Variants in FAT4 observed in about 807,000 individuals in gnomAD.
FAT4 encodes the protein FAT atypical cadherin 4.
Under a neutral mutation model 303.9 loss-of-function variants are expected in FAT4, and 84 were observed. The ratio of observed to expected loss-of-function variants is 0.28; its 90% confidence interval spans 0.23 to 0.33. The LOEUF is 0.33. Ranked by LOEUF, FAT4 falls within the 10% of genes least tolerant of loss-of-function variation. The pLI is 1.00. For synonymous variants in FAT4, 2,307 were observed against 2,298.8 expected (o/e 1.00, Z -0.10); for missense variants, 6,005 against 6,146.8 (o/e 0.98, Z 0.77).
chr4:125,368,263 A>G (rs912498678), intron 2 of FAT4, among the ~76,000 whole-genome samples: 4 of 152,052 alleles, frequency 2.6e-5, no homozygotes, highest in Non-Finnish European at 5.9e-5. Context: ...CATTTTTTCC[A>G]GTATGACTTA....
At position 125,481,751 on chromosome 4, in the gene FAT4, C is replaced by G; in HGVS notation, c.12822+13C>G. 1 of 1,608,002 alleles carries G rather than the reference C, an allele frequency of 6.2e-7. No homozygotes were observed. Among genetic ancestry groups the G allele is most frequent in the Non-Finnish European group, 8.5e-7 (1 of 1,174,520 alleles). On this transcript the variant is annotated intron_variant, in intron 16 of 17. Transcript: ENST00000394329. ...CACTACTGTGAAGGTGAGATAAAAG[C>G]TAATGGTGACTTCATTTGATTAGAC...
Position 125,490,788 on chromosome 4 carries a change from C to T in FAT4, c.13972C>T (p.Pro4658Ser). The T allele has an allele frequency of 6.2e-7, 1 of 1,614,102 alleles. No homozygotes were observed. The highest frequency in any genetic ancestry group is 8.5e-7 in the Non-Finnish European group (1 of 1,180,030). Reference protein sequence around the residue: ...TPKFSIQRHSPLGFARQSPMP... With the variant: ...TPKFSIQRHSSLGFARQSPMP... Reference sequence around the variant, plus strand: ...AAAATTTTCAATCCAGAGGCACAGTCCCCTAGGCTTTGCAAGGCAATCCCC... The same window carrying T: ...AAAATTTTCAATCCAGAGGCACAGTTCCCTAGGCTTTGCAAGGCAATCCCC... Residue 4658 changes from proline (P) to serine (S), a missense_variant, in exon 18 of 18, where the codon CCC (proline) becomes TCC (serine). Physicochemically the swap from Pro to Ser is moderately conservative, Grantham distance 74 (BLOSUM62 -1). Transcript: ENST00000394329.
chr4:125,366,895 CT>C (rs1288396806), intron 2 of FAT4, among the ~76,000 whole-genome samples: 1 of 151,468 alleles, frequency 6.6e-6, no homozygotes, highest in African/African-American at 2.4e-5. Context: ...ATATGTATGT[CT>C]TTTTTTTGAA....
At position 125,408,639 on chromosome 4, in the gene FAT4, G is replaced by A. The variant is rs1471557300; in HGVS notation, c.5765G>A (p.Gly1922Glu). ...YILTVRAEDG[G>E]GQFTTIRVYF... The stretch of plus-strand genomic sequence containing the variant: ...CTCACTGTTCGAGCAGAAGATGGTG[G>A]GGGACAATTTACTACCATCAGAGTT... The change falls in exon 5 of 18, where the codon GGG (glycine) becomes GAG (glutamate). Residue 1922 changes from glycine to glutamate, a missense_variant. Gly to Glu is a moderately conservative substitution (Grantham distance 98). Transcript: ENST00000394329. 22 of 1,610,958 alleles carry A rather than the reference G, an allele frequency of 1.4e-5. No individual in the cohort carries two copies. The highest frequency in any genetic ancestry group is 1.9e-5 in the Non-Finnish European group (22 of 1,177,968).
At position 125,450,062 on chromosome 4, in the gene FAT4, A is replaced by T; in HGVS notation, c.9052A>T (p.Asn3018Tyr). 2 of 1,613,970 alleles carry T rather than the reference A, an allele frequency of 1.2e-6. No individual in the cohort carries two copies. The highest frequency in any genetic ancestry group is 8.5e-7 in the Non-Finnish European group (1 of 1,179,948). ...TAIDDKDFGL[N>Y]SEVEYFISND... is the part of the protein sequence containing the mutation. ...AATAGATGACAAAGATTTTGGACTG[A>T]ATTCAGAAGTGGAGTATTTCATTTC... Residue 3018 changes from asparagine to tyrosine, a missense_variant, in exon 10 of 18, where the codon AAT (asparagine) becomes TAT (tyrosine). Asn to Tyr is a moderately radical substitution (Grantham distance 143). Transcript: ENST00000394329.
chr4:125,365,407 T>G (rs1381714963), intron 2 of FAT4, among the ~76,000 whole-genome samples: 1 of 152,186 alleles, frequency 6.6e-6, no homozygotes, highest in African/African-American at 2.4e-5. Flanking sequence ...AACCTCAACT[T>G]TATTCCTTGA....
chr4:125,353,635 T>G (rs1041462537), intron 2 of FAT4, among the ~76,000 whole-genome samples: 2 of 151,696 alleles, frequency 1.3e-5, no homozygotes, highest in Admixed American at 1.3e-4. Flanking sequence ...AAACTATACA[T>G]ACATATATGT....
chr4:125,380,948 C>A (rs1384485193), intron 2 of FAT4, among the ~76,000 whole-genome samples: 1 of 152,048 alleles, frequency 6.6e-6, no homozygotes, highest in African/African-American at 2.4e-5. Context: ...ATAAACTTGG[C>A]TTTATATTAC....
At chr4:125,373,028 A>G (rs1733184344) in intron 2 of FAT4, among the ~76,000 whole-genome samples, 1 of 152,190 alleles carries the variant, frequency 6.6e-6, no homozygotes, top group Non-Finnish European at 1.5e-5. Flanking sequence ...TTTTTTAAAT[A>G]AAACATTACC....
intron 7 of FAT4, among the ~76,000 whole-genome samples, chr4:125,423,378 A>G (rs1286235677): frequency 6.6e-6 from 1 of 151,790 alleles, no homozygotes; most frequent in Non-Finnish European, 1.5e-5. Context: ...CATCATAGTC[A>G]CTCTAGCCAT....
chr4:125,449,429 G>A lies in FAT4; in HGVS notation c.8419G>A (p.Ala2807Thr). ...TTSDEDIGIN[A>T]ISRYSIMDAS... is the part of the protein sequence containing the mutation. ...TTCTGATGAAGACATTGGGATCAAT[G>A]CAATTAGTAGATATTCTATAATGGA... The change falls in exon 10 of 18, where the codon GCA (alanine) becomes ACA (threonine). Residue 2807 changes from alanine to threonine, a missense_variant. Physicochemically the swap from Ala to Thr is moderately conservative, Grantham distance 58 (BLOSUM62 0). Transcript: ENST00000394329. 6.2e-7 allele frequency: 1 copy of A among 1,613,760 alleles called. No individual in the cohort carries two copies. Among genetic ancestry groups the A allele is most frequent in the Non-Finnish European group, 8.5e-7 (1 of 1,179,812 alleles).
At chr4:125,448,344 T>C in intron 9 of FAT4, 117 bp from the exon 10 acceptor site, 1 of 920,154 alleles carries the variant, frequency 1.1e-6, no homozygotes, top group South Asian at 1.7e-5. Flanking sequence ...TCCCTAGTAA[T>C]CATGAGAAAA....
chr4:125,449,530 A>G lies in FAT4; in HGVS notation c.8520A>G (p.Thr2840=), dbSNP rs1201928763. The part of the protein sequence containing the change: ...VISRPLNRED[T]DRYRIRVSAH... ...GCAGACCTTTAAATAGGGAAGATAC[A>G]GACCGTTACAGAATTCGAGTTTCCG... The change falls in exon 10 of 18, where the codon ACA becomes ACG. Residue 2840 remains threonine (T), a synonymous_variant. Coordinates refer to ENST00000394329, the MANE Select transcript of FAT4 (RefSeq NM_001291303.3). 2.5e-6 allele frequency: 4 copies of G among 1,613,588 alleles called. No homozygotes were observed. In the Admixed American group the frequency reaches 5.0e-5, roughly 20 times the overall value.
chr4:125,369,334 A>C (rs142240148), intron 2 of FAT4, among the ~76,000 whole-genome samples: 12 of 152,170 alleles, frequency 7.9e-5, no homozygotes, highest in African/African-American at 2.9e-4. Context: ...CAGGAGGCTG[A>C]GGCAGGAGAA....
At chr4:125,359,070 T>C (rs1447131845) in intron 2 of FAT4, among the ~76,000 whole-genome samples, 3 of 152,186 alleles carry the variant, frequency 2.0e-5, no homozygotes, top group African/African-American at 7.2e-5. Flanking sequence ...AGTGGACAAA[T>C]TTTCAACAAA....
intron 5 of FAT4, among the ~76,000 whole-genome samples, chr4:125,411,271 G>A (rs1219432338): frequency 6.6e-6 from 1 of 151,890 alleles, no homozygotes; most frequent in African/African-American, 2.4e-5. Context: ...ATCTTTTACT[G>A]TTTTCACAAG....
intron 7 of FAT4, among the ~76,000 whole-genome samples, chr4:125,419,064 C>G (rs1368849738): frequency 2.0e-5 from 3 of 152,182 alleles, no homozygotes; most frequent in Non-Finnish European, 4.4e-5. Flanking sequence ...CATCCTACCT[C>G]TGACATTCCC....
At chr4:125,395,080 C>T (rs1046831839) in intron 2 of FAT4, among the ~76,000 whole-genome samples, 2 of 152,048 alleles carry the variant, frequency 1.3e-5, no homozygotes, top group African/African-American at 4.8e-5. Flanking sequence ...AACCATGGCA[C>T]TAAGGATCTG....
At chr4:125,429,424 A>G (rs1725207860) in intron 7 of FAT4, among the ~76,000 whole-genome samples, 2 of 152,192 alleles carry the variant, frequency 1.3e-5, no homozygotes, top group African/African-American at 4.8e-5. Context: ...TAATTATAAT[A>G]ATATAGAGCA....
Sources: allele counts gnomAD v4.1 joint callset (sites outside exome capture counted in the v4.1 genomes callset), GRCh38; gene constraint gnomAD v4.1.1; transcripts MANE v1.5; gene names NCBI Gene and HGNC (gene_info 2026-07-23, HGNC 2026-07-21).